The following HPF1 variants were observed in gnomAD, a reference collection of about 807,000 sequenced individuals.
The protein encoded by HPF1 is UPF0609 protein C4orf27.
In HPF1, 35 loss-of-function variants were observed where a neutral mutation model predicts 38.8. The observed-to-expected ratio is 0.90, with a 90% CI of 0.69 to 1.19. HPF1 has a LOEUF of 1.19. Ranked by LOEUF, HPF1 falls within the 50% of genes most tolerant of loss-of-function variation. HPF1 has a pLI of 0.00. For synonymous variants in HPF1, 115 were observed against 139.2 expected (o/e 0.83, Z 1.22); for missense variants, 367 against 405.8 (o/e 0.90, Z 0.82).
At chr4:169,756,087 GATAAT>G (rs1277138864) in intron 1 of HPF1, among the ~76,000 whole-genome samples, 1 of 152,162 alleles carries the variant, frequency 6.6e-6, no homozygotes, top group African/African-American at 2.4e-5. Flanking sequence ...TAATAGTAAA[GATAAT>G]ATAATAGTAA....
intron 6 of HPF1, 163 bp from the exon 7 acceptor site, chr4:169,732,039 C>T (rs780261938): frequency 6.5e-5 from 33 of 510,350 alleles, no homozygotes; most frequent in Non-Finnish European, 1.0e-4. Flanking sequence ...TTTAGAATGG[C>T]AATTTGGTAA....
rs1733800327 is a variant in HPF1, at chr4:169,729,480, G to A, written c.*98C>T. 1 of 1,085,888 alleles carries A rather than the reference G, an allele frequency of 9.2e-7. No individual in the cohort carries two copies. Among genetic ancestry groups the A allele is most frequent in the African/African-American group, 1.6e-5 (1 of 61,662 alleles). 67.3% of individuals were successfully genotyped at this position (1,085,888 alleles called of 1,614,324 possible). On this transcript the variant is annotated 3_prime_UTR_variant, in exon 8 of 8. Coordinates refer to ENST00000393381, the MANE Select transcript of HPF1 (RefSeq NM_017867.3). ...CAGAAGAACCTTATAAACGTTTTTA[G>A]TAAATGTTTATTTTTTGTATTCCTT...
intron 1 of HPF1, among the ~76,000 whole-genome samples, chr4:169,754,516 T>C (rs1215925819): frequency 1.3e-5 from 2 of 152,194 alleles, no homozygotes; most frequent in African/African-American, 2.4e-5. Flanking sequence ...AGGTTCATTA[T>C]ATAAGTATAC....
At chr4:169,749,526 A>G (rs1445404146) in intron 3 of HPF1, among the ~76,000 whole-genome samples, 1 of 152,154 alleles carries the variant, frequency 6.6e-6, no homozygotes, top group Non-Finnish European at 1.5e-5. Context: ...TCAGTAAAAT[A>G]TCTTTTAAAA....
chr4:169,757,801 C>G, intron 1 of HPF1, 29 bp downstream of exon 1: 3 of 1,550,590 alleles, frequency 1.9e-6, no homozygotes, highest in Non-Finnish European at 2.6e-6. Flanking sequence ...AAGCGCCCCG[C>G]GTAGCCCGCA....
At chr4:169,744,955 T>C in intron 4 of HPF1, among the ~76,000 whole-genome samples, 1 of 27,662 alleles carries the variant, frequency 3.6e-5, no homozygotes, top group Non-Finnish European at 8.6e-5. Context: ...GTACTGACTG[T>C]ACAATAAGAA....
chr4:169,754,505 C>T (rs1197374309), intron 1 of HPF1, among the ~76,000 whole-genome samples: 1 of 152,142 alleles, frequency 6.6e-6, no homozygotes, highest in African/African-American at 2.4e-5. Flanking sequence ...CACCACAATA[C>T]AGGTTCATTA....
intron 6 of HPF1, among the ~76,000 whole-genome samples, chr4:169,734,292 T>A (rs17080042): frequency 0.014 from 2,080 of 152,300 alleles, 33 homozygotes; most frequent in South Asian, 0.052. Flanking sequence ...TCCTCCCTGT[T>A]ATCGTGGGTG....
At chr4:169,741,788 G>GTTTCAGTGCCATCCTC (rs949990215) in intron 5 of HPF1, among the ~76,000 whole-genome samples, 169 bp downstream of exon 5, 15 of 152,136 alleles carry the variant, frequency 9.9e-5, no homozygotes, top group Non-Finnish European at 1.6e-4. Context: ...TCTGACCCCT[G>GTTTCAGTGCCATCCTC]TTTCAGTGCC....
At chr4:169,752,695 C>T (rs10016129) in intron 2 of HPF1, among the ~76,000 whole-genome samples, 100,659 of 152,138 alleles carry the variant, frequency 0.66, 37,674 homozygotes, top group East Asian at 0.91. Flanking sequence ...TCTTTTAAAA[C>T]AATGAAGATC....
At chr4:169,736,470 G>A (rs1223915597) in intron 6 of HPF1, among the ~76,000 whole-genome samples, 1 of 152,014 alleles carries the variant, frequency 6.6e-6, no homozygotes, top group Non-Finnish European at 1.5e-5. Flanking sequence ...AGCCACATTC[G>A]TCTTCCCTAT....
intron 5 of HPF1, among the ~76,000 whole-genome samples, chr4:169,741,516 T>C (rs569647506): frequency 2.6e-5 from 4 of 152,288 alleles, no homozygotes; most frequent in African/African-American, 7.2e-5. Context: ...TCCCCTCATA[T>C]TGCAGACATT....
chr4:169,746,074 T>C (rs1419789362), intron 4 of HPF1, among the ~76,000 whole-genome samples: 1 of 152,232 alleles, frequency 6.6e-6, no homozygotes, highest in Non-Finnish European at 1.5e-5. Flanking sequence ...TTAAGAATTA[T>C]GTTTACTTCC....
At position 169,731,824 on chromosome 4, in the gene HPF1, C is replaced by G. The variant is rs1322451587; in HGVS notation, c.789G>C (p.Glu263Asp). 1 of 1,613,268 alleles carries G rather than the reference C, an allele frequency of 6.2e-7. No homozygotes were observed. The highest frequency in any genetic ancestry group is 8.5e-7 in the Non-Finnish European group (1 of 1,179,576). Residue 263 changes from glutamate (E) to aspartate (D), a missense_variant, in exon 7 of 8, where the codon GAG (glutamate) becomes GAC (aspartate). Coordinates refer to ENST00000393381, the MANE Select transcript of HPF1 (RefSeq NM_017867.3). ...GAATGGGAGCAAAAGCTTTTAGTCTCTCCTCATCACTTGCAGCCTCAACTA... is the reference window on the plus strand; with the variant it reads ...GAATGGGAGCAAAAGCTTTTAGTCTGTCCTCATCACTTGCAGCCTCAACTA... ...KTIVEAASDE[E>D]RLKAFAPIQE...
intron 5 of HPF1, among the ~76,000 whole-genome samples, chr4:169,738,931 T>C (rs1040951704): frequency 2.0e-5 from 3 of 151,662 alleles, no homozygotes; most frequent in Admixed American, 6.6e-5. Flanking sequence ...TAGGTGGGAA[T>C]TGAACAATGA....
At chr4:169,735,579 C>T (rs1231867898) in intron 6 of HPF1, among the ~76,000 whole-genome samples, 2 of 152,104 alleles carry the variant, frequency 1.3e-5, no homozygotes, top group African/African-American at 4.8e-5. Context: ...CCACAACTAC[C>T]GCAGGGTAAC....
intron 7 of HPF1, among the ~76,000 whole-genome samples, chr4:169,731,325 G>A (rs1305154654): frequency 6.6e-6 from 1 of 152,182 alleles, no homozygotes; most frequent in East Asian, 1.9e-4. Flanking sequence ...CAATGGAAAC[G>A]AAATGGAGCC....
At chr4:169,742,397 AG>A (rs1177527578) in intron 4 of HPF1, among the ~76,000 whole-genome samples, 2 of 152,360 alleles carry the variant, frequency 1.3e-5, no homozygotes, top group East Asian at 1.9e-4. Flanking sequence ...AGATTAGTCA[AG>A]GTTTAAACTG....
chr4:169,742,128 C>T (rs548349356), intron 4 of HPF1, 21 bp from the exon 5 acceptor site: 83 of 1,604,480 alleles, frequency 5.2e-5, no homozygotes, highest in East Asian at 1.3e-4. Context: ...AGTAAAAGTC[C>T]GCATTATGTG....
Sources: gnomAD v4.1 joint callset for allele counts (sites outside exome capture counted in the v4.1 genomes callset) on GRCh38, gnomAD v4.1.1 for gene constraint, MANE v1.5 for transcripts, NCBI Gene and HGNC (gene_info 2026-07-23, HGNC 2026-07-21) for gene names.